Variants in ZFAT observed in about 807,000 individuals in gnomAD.
ZFAT encodes zinc finger and AT-hook domain containing.
ZFAT carries 64 observed loss-of-function variants against 117.7 expected under a neutral mutation model. The observed-to-expected ratio is 0.54, with a 90% CI of 0.44 to 0.67. The LOEUF is 0.67. ZFAT is among the 30% of genes least tolerant of loss of function. The pLI is 0.00. For missense variants in ZFAT, 1,433 were observed against 1,584.5 expected (o/e 0.90, Z 1.62); for synonymous variants, 679 against 615.0 (o/e 1.10, Z -1.54).
chr8:134,759,344 C>T, the ZFAT span, among the ~76,000 whole-genome samples: 20 of 152,150 alleles, frequency 1.3e-4, no homozygotes, highest in Admixed American at 4.6e-4. Context: ...TCCTACTGAG[C>T]CAGGTAGATT....
chr8:134,685,156 C>A (rs1833260048), intron 1 of ZFAT, among the ~76,000 whole-genome samples: 1 of 152,124 alleles, frequency 6.6e-6, no homozygotes, highest in African/African-American at 2.4e-5. Flanking sequence ...GGTGTCATCC[C>A]CATCACCACC....
chr8:134,565,267 T>C, intron 11 of ZFAT, 66 bp downstream of exon 11: 2 of 1,606,714 alleles, frequency 1.2e-6, no homozygotes, highest in South Asian at 1.1e-5. Context: ...GCTCTCTCCA[T>C]CTTCACTTTG....
the ZFAT span, among the ~76,000 whole-genome samples, chr8:134,759,090 A>G: frequency 1.1e-3 from 160 of 152,352 alleles, 2 homozygotes; most frequent in Admixed American, 1.6e-3. Flanking sequence ...CTTTAGGGAA[A>G]GGTATAAATT....
chr8:134,739,273 TG>T, the ZFAT span, among the ~76,000 whole-genome samples: 19 of 140,132 alleles, frequency 1.4e-4, no homozygotes, highest in African/African-American at 5.2e-4. Flanking sequence ...AAGCACTCAG[TG>T]GTGTGTGTAG....
chr8:134,647,534 T>C (rs1313571732), intron 2 of ZFAT, among the ~76,000 whole-genome samples: 1 of 152,136 alleles, frequency 6.6e-6, no homozygotes, highest in Non-Finnish European at 1.5e-5. Context: ...CCAGAGTAGT[T>C]AGGTAAGCAA....
chr8:134,564,890 G>T, intron 11 of ZFAT: 5 of 1,098,374 alleles, frequency 4.6e-6, no homozygotes, highest in Non-Finnish European at 5.8e-6. Flanking sequence ...CCTGCAACAT[G>T]CTGGGCACTG....
In ZFAT at chr8:134,601,718, G is replaced by A; in HGVS notation, c.2001C>T (p.Asp667=). 1 of 1,613,020 alleles carries A rather than the reference G, an allele frequency of 6.2e-7. No individual in the cohort carries two copies. Among genetic ancestry groups the A allele is most frequent in the Non-Finnish European group, 8.5e-7 (1 of 1,179,336 alleles). ...ACCTGAGACACCTGCTGGGATCTGGGTCACCAGCTGAAAGCACAGCCATGT... is the reference window on the plus strand; with the variant it reads ...ACCTGAGACACCTGCTGGGATCTGGATCACCAGCTGAAAGCACAGCCATGT... ...GQNMAVLSAG[D]PDPSRCLRSN... is the part of the protein sequence containing the mutation. The change falls in exon 6 of 16, where the codon GAC becomes GAT. Residue 667 remains aspartate (D), a synonymous_variant. Coordinates refer to ENST00000377838, the MANE Select transcript of ZFAT (RefSeq NM_020863.4).
chr8:134,758,632 G>T, the ZFAT span, among the ~76,000 whole-genome samples: 2 of 152,214 alleles, frequency 1.3e-5, no homozygotes, highest in Non-Finnish European at 2.9e-5. Context: ...AGAAAAGAAA[G>T]ACATGGAATG....
At chr8:134,693,235 A>T (rs1189433835) in intron 1 of ZFAT, among the ~76,000 whole-genome samples, 2 of 152,230 alleles carry the variant, frequency 1.3e-5, no homozygotes, top group Admixed American at 1.3e-4. Flanking sequence ...GAGCTGGAAC[A>T]GGGAAAGCAG....
chr8:134,615,835 A>AC (rs1828687690), intron 3 of ZFAT, among the ~76,000 whole-genome samples: 1 of 152,260 alleles, frequency 6.6e-6, no homozygotes, highest in South Asian at 2.1e-4. Context: ...TTCAGGCACC[A>AC]TGGTGCCAGG....
At chr8:134,749,772 T>A in the ZFAT span, among the ~76,000 whole-genome samples, 2 of 152,256 alleles carry the variant, frequency 1.3e-5, no homozygotes, top group South Asian at 4.1e-4. Context: ...CTGTCATAGA[T>A]CAAGCCCATG....
the ZFAT span, chr8:134,723,251 G>C: frequency 6.6e-6 from 1 of 152,246 alleles, no homozygotes; most frequent in African/African-American, 2.4e-5. Context: ...CATCCCCCAG[G>C]ATCGCCTGGG....
chr8:134,665,437 A>C (rs1832161956), intron 1 of ZFAT, among the ~76,000 whole-genome samples: 1 of 152,212 alleles, frequency 6.6e-6, no homozygotes, highest in Non-Finnish European at 1.5e-5. Flanking sequence ...CACATGAGGC[A>C]GAGTGTCCTC....
At chr8:134,688,962 T>A (rs1833469134) in intron 1 of ZFAT, among the ~76,000 whole-genome samples, 1 of 152,148 alleles carries the variant, frequency 6.6e-6, no homozygotes, top group Non-Finnish European at 1.5e-5. Context: ...CCAAGCACAG[T>A]GCCTGGCACA....
At chr8:134,563,349 A>C (rs147035937) in intron 11 of ZFAT, among the ~76,000 whole-genome samples, 117 of 152,348 alleles carry the variant, frequency 7.7e-4, no homozygotes, top group African/African-American at 2.7e-3. Flanking sequence ...TAGTGAGAAA[A>C]GCACAAGACT....
At chr8:134,505,308 T>C (rs1284126980) in intron 15 of ZFAT, among the ~76,000 whole-genome samples, 3 of 152,132 alleles carry the variant, frequency 2.0e-5, no homozygotes, top group African/African-American at 7.2e-5. Flanking sequence ...AAAAAATAAG[T>C]CATTTCCCTT....
At chr8:134,697,944 T>C (rs886226596) in intron 1 of ZFAT, among the ~76,000 whole-genome samples, 1 of 150,596 alleles carries the variant, frequency 6.6e-6, no homozygotes, top group Non-Finnish European at 1.5e-5. Flanking sequence ...TAGTCCCTCC[T>C]ACCTGCTCAG....
chr8:134,553,666 T>C (rs1226784746), intron 11 of ZFAT, among the ~76,000 whole-genome samples: 1 of 152,048 alleles, frequency 6.6e-6, no homozygotes, highest in Non-Finnish European at 1.5e-5. Flanking sequence ...AGTCCTGTGA[T>C]GAAAAAAGGA....
chr8:134,601,010 C>T (rs1827396920), intron 6 of ZFAT, among the ~76,000 whole-genome samples: 1 of 152,108 alleles, frequency 6.6e-6, no homozygotes, highest in African/African-American at 2.4e-5. Flanking sequence ...AGGTCTGGAG[C>T]TGGATTTTCT....
Sources: allele counts gnomAD v4.1 joint callset (sites outside exome capture counted in the v4.1 genomes callset), GRCh38; gene constraint gnomAD v4.1.1; transcripts MANE v1.5; gene names NCBI Gene and HGNC (gene_info 2026-07-23, HGNC 2026-07-21).